SH3PXD2A: variants seen among roughly 807,000 people sequenced by gnomAD.
The protein encoded by SH3PXD2A is SH3 and PX domains 2A, also known as SH3 and PX domain-containing protein 2A.
SH3PXD2A carries 32 observed loss-of-function variants against 115.2 expected under a neutral mutation model. The ratio of observed to expected loss-of-function variants is 0.28; its 90% CI spans 0.21 to 0.37. The LOEUF is 0.37. SH3PXD2A is among the 10% of genes least tolerant of loss of function. SH3PXD2A has a pLI of 1.00. For missense variants in SH3PXD2A, 1,328 were observed against 1,498.7 expected (o/e 0.89, Z 1.88); for synonymous variants, 610 against 629.1 (o/e 0.97, Z 0.45).
chr10:103,832,329 C>G (rs1163317698), intron 1 of SH3PXD2A, among the ~76,000 whole-genome samples: 4 of 150,540 alleles, frequency 2.7e-5, no homozygotes, highest in Admixed American at 6.6e-5. Context: ...GTCTCTACAC[C>G]CTAGAATCTA....
chr10:103,722,953 G>T (rs947218668), intron 5 of SH3PXD2A, among the ~76,000 whole-genome samples: 20 of 152,306 alleles, frequency 1.3e-4, no homozygotes, highest in African/African-American at 4.8e-4. Context: ...AAATGCCCAG[G>T]CTATTTCAGG....
intron 1 of SH3PXD2A, among the ~76,000 whole-genome samples, chr10:103,803,765 T>C (rs2039169722): frequency 6.6e-6 from 1 of 152,246 alleles, no homozygotes. Flanking sequence ...GTTTAGAAAG[T>C]GTATTTTGCC....
chr10:103,699,121 G>C (rs73332698), intron 5 of SH3PXD2A, among the ~76,000 whole-genome samples: 1 of 152,122 alleles, frequency 6.6e-6, no homozygotes, highest in Non-Finnish European at 1.5e-5. Context: ...GGGGTTGGGG[G>C]CAGGAGAGGG....
chr10:103,763,836 G>A (rs1406893025), intron 3 of SH3PXD2A, among the ~76,000 whole-genome samples: 1 of 152,214 alleles, frequency 6.6e-6, no homozygotes, highest in East Asian at 1.9e-4. Context: ...ATGTGGGGGG[G>A]CTATAAAAGC....
intron 5 of SH3PXD2A, among the ~76,000 whole-genome samples, chr10:103,699,410 A>G (rs2037864737): frequency 6.6e-6 from 1 of 152,012 alleles, no homozygotes; most frequent in African/African-American, 2.4e-5. Context: ...GATATTTCCC[A>G]CTGTGGCAGG....
At chr10:103,709,904 G>A (rs781294266) in intron 5 of SH3PXD2A, among the ~76,000 whole-genome samples, 5 of 152,014 alleles carry the variant, frequency 3.3e-5, no homozygotes, top group African/African-American at 1.2e-4. Context: ...TCAGGAGTTC[G>A]AGACCAGTGT....
intron 13 of SH3PXD2A, 105 bp downstream of exon 13, chr10:103,611,476 A>T: frequency 9.4e-7 from 1 of 1,068,666 alleles, no homozygotes; most frequent in Non-Finnish European, 1.5e-6. Context: ...GCTCTGGAAA[A>T]CCCCTGGATC....
intron 1 of SH3PXD2A, among the ~76,000 whole-genome samples, chr10:103,815,197 A>G (rs1353343246): frequency 6.6e-6 from 1 of 152,182 alleles, no homozygotes; most frequent in Non-Finnish European, 1.5e-5. Context: ...AAAGACAAAT[A>G]AACAAACTGG....
intron 3 of SH3PXD2A, chr10:103,747,101 G>A (rs1357704227): frequency 6.6e-6 from 1 of 152,334 alleles, no homozygotes; most frequent in Non-Finnish European, 1.5e-5. Context: ...TGAAAGGTGA[G>A]TGAGTGTGAG....
At chr10:103,735,896 T>C in intron 3 of SH3PXD2A, 88 bp from the exon 4 acceptor site, 4 of 1,031,772 alleles carry the variant, frequency 3.9e-6, no homozygotes, top group Non-Finnish European at 4.6e-6. Flanking sequence ...CTTCTCAGCA[T>C]CTTAGTCCAG....
At chr10:103,644,008 G>C (rs1001019650) in intron 8 of SH3PXD2A, among the ~76,000 whole-genome samples, 5 of 151,412 alleles carry the variant, frequency 3.3e-5, no homozygotes, top group Non-Finnish European at 5.9e-5. Context: ...CCAGCTACTG[G>C]GGAGGCTGAG....
At chr10:103,714,206 G>T (rs1184532821) in intron 5 of SH3PXD2A, among the ~76,000 whole-genome samples, 1 of 152,166 alleles carries the variant, frequency 6.6e-6, no homozygotes, top group Non-Finnish European at 1.5e-5. Context: ...TACCCCTTCC[G>T]CCAGAGGCTC....
chr10:103,701,660 CCATCCATCCAT>C (rs2037908912), intron 5 of SH3PXD2A, among the ~76,000 whole-genome samples: 1 of 146,472 alleles, frequency 6.8e-6, no homozygotes, highest in African/African-American at 2.5e-5. Context: ...CATCCATCCA[CCATCCATCCAT>C]CATCCATCCA....
At chr10:103,705,392 C>T (rs1393561050) in intron 5 of SH3PXD2A, among the ~76,000 whole-genome samples, 5 of 152,226 alleles carry the variant, frequency 3.3e-5, no homozygotes, top group African/African-American at 1.2e-4. Flanking sequence ...AGTGGTAGTG[C>T]TGCTCTTATT....
chr10:103,681,526 G>C (rs908019909), intron 6 of SH3PXD2A, among the ~76,000 whole-genome samples: 1 of 152,224 alleles, frequency 6.6e-6, no homozygotes, highest in African/African-American at 2.4e-5. Context: ...CCAGCACTCT[G>C]GGGGGCCAAG....
At chr10:103,841,155 T>C (rs1436416132) in intron 1 of SH3PXD2A, among the ~76,000 whole-genome samples, 1 of 152,150 alleles carries the variant, frequency 6.6e-6, no homozygotes, top group African/African-American at 2.4e-5. Context: ...GGGGCTTTAG[T>C]AGAATGAAGC....
chr10:103,731,231 G>A (rs1334010771), intron 4 of SH3PXD2A, among the ~76,000 whole-genome samples: 1 of 151,760 alleles, frequency 6.6e-6, no homozygotes, highest in Non-Finnish European at 1.5e-5. Context: ...TGCAACCATG[G>A]CTCACTGCAG....
intron 1 of SH3PXD2A, among the ~76,000 whole-genome samples, chr10:103,818,132 G>T (rs2039342980): frequency 6.6e-6 from 1 of 152,152 alleles, no homozygotes; most frequent in South Asian, 2.1e-4. Flanking sequence ...GTACCTCTTG[G>T]TTAAGGGGTT....
At chr10:103,692,925 A>ACCCC in intron 6 of SH3PXD2A, 103 bp downstream of exon 6, 2 of 908,280 alleles carry the variant, frequency 2.2e-6, no homozygotes, top group Non-Finnish European at 1.7e-6. Context: ...TGCAAGGACA[A>ACCCC]CCCCCCCCTC....
Sources: gnomAD v4.1 joint callset for allele counts (sites outside exome capture counted in the v4.1 genomes callset) on GRCh38, gnomAD v4.1.1 for gene constraint, MANE v1.5 for transcripts, NCBI Gene and HGNC (gene_info 2026-07-23, HGNC 2026-07-21) for gene names.